TMEM132B: variants seen among roughly 807,000 people sequenced by gnomAD.
TMEM132B encodes the protein transmembrane protein 132B.
In TMEM132B, 18 loss-of-function variants were observed where a neutral mutation model predicts 90.8. The ratio of observed to expected loss-of-function variants is 0.20; its 90% confidence interval spans 0.14 to 0.29. The LOEUF is 0.29. Ranked by LOEUF, TMEM132B falls within the 10% of genes least tolerant of loss-of-function variation. The pLI, the probability that TMEM132B is intolerant of heterozygous loss-of-function variation, is 1.00. For synonymous variants in TMEM132B, 504 were observed against 523.3 expected, an observed-to-expected ratio of 0.96 and a Z score of 0.50; for missense variants, 1,096 against 1,326.8, an observed-to-expected ratio of 0.83 and a Z score of 2.70.
chr12:125,528,123 C>T (rs1883543797), intron 4 of TMEM132B, among the ~76,000 whole-genome samples: 1 of 151,590 alleles, frequency 6.6e-6, no homozygotes, highest in South Asian at 2.1e-4. Context: ...GAAATGCTAA[C>T]AAATGTGTCT....
chr12:125,488,498 C>G (rs747377913), intron 3 of TMEM132B, among the ~76,000 whole-genome samples: 3 of 152,158 alleles, frequency 2.0e-5, no homozygotes, highest in South Asian at 2.1e-4. Context: ...ATGCTGTTCT[C>G]GTGATAGTGA....
chr12:125,549,909 G>A (rs2136755873), intron 4 of TMEM132B, among the ~76,000 whole-genome samples: 1 of 152,278 alleles, frequency 6.6e-6, no homozygotes, highest in Middle Eastern at 3.4e-3. Context: ...GCATGTGCCA[G>A]TTGTCATTTT....
At chr12:125,650,371 A>AT (rs1268094381) in intron 6 of TMEM132B, among the ~76,000 whole-genome samples, 1 of 152,284 alleles carries the variant, frequency 6.6e-6, no homozygotes, top group Admixed American at 6.5e-5. Flanking sequence ...AGGTTCCTCC[A>AT]TCCCACAGGG....
intron 4 of TMEM132B, among the ~76,000 whole-genome samples, chr12:125,528,678 C>T (rs569147509): frequency 6.6e-6 from 1 of 152,298 alleles, no homozygotes; most frequent in South Asian, 2.1e-4. Context: ...GGCACTGACC[C>T]CTCTACAGTC....
chr12:125,261,871 C>G (rs1202318690), intron 1 of TMEM132B, among the ~76,000 whole-genome samples: 1 of 152,124 alleles, frequency 6.6e-6, no homozygotes, highest in Non-Finnish European at 1.5e-5. Context: ...CGCTCTGATG[C>G]CCAGGCTGCA....
At chr12:125,405,489 C>T (rs990927420) in intron 2 of TMEM132B, among the ~76,000 whole-genome samples, 4 of 152,166 alleles carry the variant, frequency 2.6e-5, no homozygotes, top group Admixed American at 2.6e-4. Flanking sequence ...TATTCAACCC[C>T]TTATAGACAC....
At chr12:125,594,239 C>T (rs1014806919) in intron 5 of TMEM132B, among the ~76,000 whole-genome samples, 1 of 152,138 alleles carries the variant, frequency 6.6e-6, no homozygotes. Context: ...AACAATAATT[C>T]ATTCCTTTTT....
chr12:125,655,430 C>T lies in TMEM132B; in HGVS notation c.*720C>T, dbSNP rs1887036140. 1 of 152,170 alleles carries T rather than the reference C, an allele frequency of 6.6e-6. No individual in the cohort carries two copies. The highest frequency in any genetic ancestry group is 6.5e-5 in the Admixed American group (1 of 15,270). 9.4% of individuals were successfully genotyped at this position (152,170 alleles called of 1,614,324 possible). A position where few individuals can be genotyped will look rare whatever the true frequency, so the allele number is the denominator to read the frequency against. On this transcript the variant is annotated 3_prime_UTR_variant, in exon 9 of 9. Transcript: ENST00000682704. The stretch of plus-strand genomic sequence containing the variant: ...CTTATTCTCACTTTGTTTTTTCCTT[C>T]CTTTTGTTGTTGAACTTTCTTGTAT...
In TMEM132B at chr12:125,652,602, T is replaced by C. The variant is rs1886955096; in HGVS notation, c.2076T>C (p.Ala692=). 5.0e-6 allele frequency: 8 copies of C among 1,613,456 alleles called. No homozygotes were observed. The highest frequency in any genetic ancestry group is 6.8e-6 in the Non-Finnish European group (8 of 1,179,642). ...AAAGGGCCATCGTCTCCACAGCTGC[T>C]GCCCTGGATGTTCTTCAGTCCCCAC... ...ADKRAIVSTA[A]ALDVLQSPQQ... is the part of the protein sequence containing the mutation. The change falls in exon 8 of 9, where the codon GCT becomes GCC. Residue 692 remains alanine, a synonymous_variant. Coordinates refer to ENST00000682704, the MANE Select transcript of TMEM132B (RefSeq NM_001366854.1).
intron 1 of TMEM132B, among the ~76,000 whole-genome samples, chr12:125,215,441 C>A (rs773195939): frequency 6.6e-6 from 1 of 152,092 alleles, no homozygotes; most frequent in Non-Finnish European, 1.5e-5. Context: ...GTTTGTGGCC[C>A]CTTCTTCATC....
At chr12:125,575,056 T>TTATATATATATATATATATA (rs1566078420) in intron 4 of TMEM132B, among the ~76,000 whole-genome samples, 6 of 11,054 alleles carry the variant, frequency 5.4e-4, no homozygotes, top group African/African-American at 1.5e-3. Flanking sequence ...CTATTAGCTG[T>TTATATATATATATATATATA]CATATATATA....
intron 1 of TMEM132B, among the ~76,000 whole-genome samples, chr12:125,242,859 T>C (rs1874105425): frequency 6.6e-6 from 1 of 152,128 alleles, no homozygotes; most frequent in Non-Finnish European, 1.5e-5. Flanking sequence ...ACACATAACA[T>C]AACATTTACC....
intron 3 of TMEM132B, among the ~76,000 whole-genome samples, chr12:125,484,317 T>C (rs1359506519): frequency 1.3e-5 from 2 of 152,200 alleles, no homozygotes; most frequent in Non-Finnish European, 2.9e-5. Flanking sequence ...CTGGGCCTCT[T>C]GGCAACCATA....
At chr12:125,463,738 C>T (rs1881495710) in intron 3 of TMEM132B, among the ~76,000 whole-genome samples, 1 of 152,138 alleles carries the variant, frequency 6.6e-6, no homozygotes, top group Non-Finnish European at 1.5e-5. Flanking sequence ...CTCCTTGTTC[C>T]AGGAAAGGCT....
chr12:125,584,816 C>A (rs1885141388), intron 5 of TMEM132B: 1 of 152,208 alleles, frequency 6.6e-6, no homozygotes, highest in South Asian at 2.1e-4. Context: ...GCTTTTGCAG[C>A]AGAGACCTCA....
Position 125,293,402 on chromosome 12 carries a change from G to T in TMEM132B, c.68-56050G>T, listed in dbSNP as rs139181181. 3.1e-3 allele frequency among the ~76,000 whole-genome samples: 463 copies of T among 151,644 alleles called. 6 individuals are homozygous for T. The highest frequency in any genetic ancestry group is 0.01 in the African/African-American group (430 of 41,508). On this transcript the variant is annotated intron_variant, in intron 1 of 8. Transcript: ENST00000682704. ...GGAGTACGATTGATCTTGTCACCCA[G>T]GTTCTAAGCATAATACCCAGTAGGT...
intron 4 of TMEM132B, among the ~76,000 whole-genome samples, chr12:125,583,262 C>T (rs1217608357): frequency 2.0e-5 from 3 of 151,994 alleles, no homozygotes; most frequent in East Asian, 1.9e-4. Context: ...AAGTGAGAAA[C>T]GCACATGTCA....
intron 5 of TMEM132B, among the ~76,000 whole-genome samples, chr12:125,629,536 TG>T (rs1057495626): frequency 4.1e-4 from 63 of 152,280 alleles, no homozygotes; most frequent in African/African-American, 1.4e-3. Context: ...AATAGTTTTT[TG>T]GTGGAGTCTT....
At chr12:125,521,018 T>G (rs1883293552) in intron 4 of TMEM132B, among the ~76,000 whole-genome samples, 1 of 152,214 alleles carries the variant, frequency 6.6e-6, no homozygotes, top group Admixed American at 6.5e-5. Context: ...TGGGTGTGGG[T>G]TTTAAGGTGG....
Sources: allele counts gnomAD v4.1 joint callset (sites outside exome capture counted in the v4.1 genomes callset), GRCh38; gene constraint gnomAD v4.1.1; transcripts MANE v1.5; gene names NCBI Gene and HGNC (gene_info 2026-07-23, HGNC 2026-07-21).